The following STAG2 variants were observed in gnomAD, a reference collection of about 807,000 sequenced individuals.
STAG2 encodes the protein STAG2 cohesin complex component, also known as cohesin subunit SA-2.
A neutral mutation model predicts 108.1 loss-of-function variants in STAG2; 14 were observed. That is an observed-to-expected ratio of 0.13 (90% CI 0.09 to 0.20). The LOEUF (loss-of-function observed/expected upper bound fraction) is 0.20. Ranked by LOEUF, STAG2 falls within the 10% of genes least tolerant of loss-of-function variation. STAG2 has a pLI of 1.00. For missense variants in STAG2, 440 were observed against 940.9 expected (o/e 0.47, Z 6.96); for synonymous variants, 307 against 302.7 (o/e 1.01, Z -0.15).
chrX:124,034,257 C>T, intron 5 of STAG2, among the ~76,000 whole-genome samples: 1 of 111,584 alleles, frequency 9.0e-6, no homozygotes, highest in East Asian at 2.8e-4. Context: ...GACTTGAACT[C>T]CTGGGCTCAA....
intron 25 of STAG2, among the ~76,000 whole-genome samples, chrX:124,071,557 T>C (rs2058664900): frequency 1.8e-5 from 2 of 111,761 alleles, no homozygotes; most frequent in Non-Finnish European, 3.8e-5. Flanking sequence ...CTGAGTCTGC[T>C]TTCTAATTTC....
At chrX:123,970,913 A>C (rs1454642033) in intron 1 of STAG2, among the ~76,000 whole-genome samples, 2 of 111,558 alleles carry the variant, frequency 1.8e-5, no homozygotes. Context: ...GATACTTTTG[A>C]ACGTGAAAGG....
intron 1 of STAG2, among the ~76,000 whole-genome samples, chrX:124,010,093 A>T (rs569832961): frequency 8.9e-6 from 1 of 111,810 alleles, no homozygotes; most frequent in East Asian, 2.8e-4. Context: ...ATACCATATG[A>T]GAGAAGCTTG....
At chrX:124,007,411 A>G (rs1274891845) in intron 1 of STAG2, among the ~76,000 whole-genome samples, 1 of 110,408 alleles carries the variant, frequency 9.1e-6, no homozygotes, top group East Asian at 2.9e-4. Context: ...CTTTCTCTGT[A>G]TGTCTGTGTT....
intron 3 of STAG2, among the ~76,000 whole-genome samples, chrX:124,024,276 C>A (rs1003738989): frequency 1.8e-5 from 2 of 111,432 alleles, no homozygotes; most frequent in South Asian, 3.7e-4. Context: ...TTTCTTCAGA[C>A]TTAAAGCAGT....
At chrX:124,024,458 A>G in intron 3 of STAG2, among the ~76,000 whole-genome samples, 1 of 110,956 alleles carries the variant, frequency 9.0e-6, no homozygotes, top group East Asian at 2.8e-4. Flanking sequence ...CATGAGCTTC[A>G]GGGTTAATAT....
chrX:123,992,891 G>T (rs1306965860), intron 1 of STAG2, among the ~76,000 whole-genome samples: 1 of 110,859 alleles, frequency 9.0e-6, no homozygotes, highest in Non-Finnish European at 1.9e-5. Flanking sequence ...TACAAAGGGG[G>T]TGGTTATGGT....
intron 1 of STAG2, among the ~76,000 whole-genome samples, chrX:123,973,842 C>T (rs1293598394): frequency 9.6e-6 from 1 of 104,710 alleles, no homozygotes; most frequent in Non-Finnish European, 1.9e-5. Context: ...GAAACTCCCT[C>T]TCAAAAAAAA....
chrX:124,034,592 T>C (rs914456004), intron 5 of STAG2, among the ~76,000 whole-genome samples: 1 of 111,517 alleles, frequency 9.0e-6, no homozygotes, highest in African/African-American at 3.3e-5. Context: ...CTTAGACTTT[T>C]CTTTTTGTTT....
intron 23 of STAG2, 145 bp downstream of exon 23, chrX:124,066,581 G>T (rs755663058): frequency 4.8e-6 from 2 of 419,408 alleles, no homozygotes; most frequent in African/African-American, 2.5e-5. Context: ...TGTATATTCA[G>T]TGGAGAGGAT....
At chrX:124,026,128 A>AAATAATAATAATAAT (rs57097416) in intron 4 of STAG2, among the ~76,000 whole-genome samples, 57 of 88,945 alleles carry the variant, frequency 6.4e-4, no homozygotes, top group African/African-American at 1.8e-3. Context: ...GTAAAGTTGC[A>AAATAATAATAATAAT]AATAATAATA....
chrX:124,061,207 C>G lies in STAG2; in HGVS notation c.1417-17C>G, dbSNP rs758447274. 2 of 1,137,711 alleles carry G rather than the reference C, an allele frequency of 1.8e-6. No individual in the cohort carries two copies. Among genetic ancestry groups the G allele is most frequent in the East Asian group, 3.1e-5 (1 of 32,669 alleles). The allele number at this position is 1,137,711 out of a possible 1,213,427, so 93.8% of individuals were successfully genotyped here. ...ATGATAATTGTCTAAGACCACATTG[C>G]TCTTTTTAAATTTTAGTTACATGAG... On this transcript the variant is annotated splice_polypyrimidine_tract_variant and intron_variant, in intron 15 of 34. Coordinates refer to ENST00000371145, the MANE Select transcript of STAG2 (RefSeq NM_001042750.2).
In STAG2 at chrX:124,031,138, T is replaced by C; in HGVS notation, c.288+13T>C. On this transcript the variant is annotated intron_variant, in intron 5 of 34. Coordinates refer to ENST00000371145, the MANE Select transcript of STAG2 (RefSeq NM_001042750.2). ...GAGTGCTATGCAGGTAAGATTTATG[T>C]TGTTCTTCCCAGTTCATTTGTACAT... 8.4e-7 allele frequency: 1 copy of C among 1,196,355 alleles called. No homozygotes were observed. The highest frequency in any genetic ancestry group is 3.0e-5 in the East Asian group (1 of 33,417).
chrX:124,079,162 G>A (rs1189727924), intron 27 of STAG2, among the ~76,000 whole-genome samples: 3 of 103,389 alleles, frequency 2.9e-5, no homozygotes, highest in African/African-American at 7.1e-5. Flanking sequence ...CTTTTGAGAC[G>A]GAGTCTCGCC....
At chrX:124,039,313 G>A (rs985521778) in intron 6 of STAG2, among the ~76,000 whole-genome samples, 3 of 108,974 alleles carry the variant, frequency 2.8e-5, no homozygotes, top group African/African-American at 1.0e-4. Flanking sequence ...ACGACAACAC[G>A]CCCAGCTAAT....
At chrX:123,974,236 CTTT>C (rs201656151) in intron 1 of STAG2, among the ~76,000 whole-genome samples, 2 of 98,753 alleles carry the variant, frequency 2.0e-5, no homozygotes, top group African/African-American at 3.6e-5. Flanking sequence ...TTTCTTTTTT[CTTT>C]TTTTTTTTTT....
chrX:123,961,176 C>T (rs928349351), upstream of STAG2: 1 of 107,148 alleles, frequency 9.3e-6, no homozygotes, highest in Non-Finnish European at 1.9e-5. Flanking sequence ...TTCCAGCCCC[C>T]CTTCCTCCCT....
chrX:123,981,851 A>G (rs1353053051), intron 1 of STAG2, among the ~76,000 whole-genome samples: 2 of 111,671 alleles, frequency 1.8e-5, no homozygotes, highest in African/African-American at 6.5e-5. Flanking sequence ...TAAGTGGGTT[A>G]AATGTTACAA....
intron 14 of STAG2, 141 bp from the exon 15 acceptor site, chrX:124,057,725 A>G (rs1316341671): frequency 4.3e-5 from 14 of 324,585 alleles, no homozygotes; most frequent in Non-Finnish European, 6.9e-5. Context: ...GTGGTGTGCC[A>G]TGTTGGATGA....
Sources: gnomAD v4.1 joint callset for allele counts (sites outside exome capture counted in the v4.1 genomes callset) on GRCh38, gnomAD v4.1.1 for gene constraint, MANE v1.5 for transcripts, NCBI Gene and HGNC (gene_info 2026-07-23, HGNC 2026-07-21) for gene names.